The following TOP2B variants were observed in gnomAD, a reference collection of about 807,000 sequenced individuals.
TOP2B encodes the protein DNA topoisomerase 2-beta.
Under a neutral mutation model 193.5 loss-of-function variants are expected in TOP2B, and 51 were observed. The observed-to-expected ratio is 0.26, with a 90% CI of 0.21 to 0.33. The LOEUF is 0.33. Among genes scored for constraint, TOP2B ranks in the 10% least tolerant of loss-of-function variants. The probability of loss-of-function intolerance (pLI) is 1.00; values close to 1 mark genes in which losing one functional copy is unlikely to be tolerated. For missense variants in TOP2B, 1,378 were observed against 1,909.3 expected, an observed-to-expected ratio of 0.72 and a Z score of 5.19; for synonymous variants, 634 against 635.7, an observed-to-expected ratio of 1.00 and a Z score of 0.04.
chr3:25,622,709 C>T (rs985995389), intron 21 of TOP2B, among the ~76,000 whole-genome samples: 3 of 150,758 alleles, frequency 2.0e-5, no homozygotes, highest in Non-Finnish European at 2.9e-5. Context: ...GGCGCAATCT[C>T]GGCTCACCGC....
At chr3:25,641,071 C>A (rs927934696) in intron 4 of TOP2B, among the ~76,000 whole-genome samples, 2 of 152,054 alleles carry the variant, frequency 1.3e-5, no homozygotes, top group African/African-American at 4.8e-5. Flanking sequence ...CGTGAGCTGC[C>A]GCACCTGGCT....
At chr3:25,652,393 G>T (rs1215454827) in intron 1 of TOP2B, among the ~76,000 whole-genome samples, 1 of 152,110 alleles carries the variant, frequency 6.6e-6, no homozygotes, top group Non-Finnish European at 1.5e-5. Flanking sequence ...ATTGCACTTG[G>T]AACATTCTCC....
chr3:25,658,878 T>C (rs575179973), intron 1 of TOP2B, among the ~76,000 whole-genome samples: 52 of 152,212 alleles, frequency 3.4e-4, no homozygotes, highest in South Asian at 1.7e-3. Flanking sequence ...ATGGACAGAA[T>C]TGTCACCTGA....
intron 19 of TOP2B, 69 bp from the exon 20 acceptor site, chr3:25,624,514 A>T (rs1435886458): frequency 1.3e-6 from 2 of 1,556,978 alleles, no homozygotes; most frequent in East Asian, 4.5e-5. Flanking sequence ...CCCCAACTTG[A>T]ATTAAAATCC....
intron 1 of TOP2B, among the ~76,000 whole-genome samples, chr3:25,658,215 G>C (rs887789877): frequency 1.3e-5 from 2 of 151,598 alleles, no homozygotes; most frequent in South Asian, 4.1e-4. Context: ...GGCAACAACA[G>C]AGCGAGATTC....
chr3:25,610,856 A>T (rs1160426992), intron 28 of TOP2B, among the ~76,000 whole-genome samples: 1 of 152,246 alleles, frequency 6.6e-6, no homozygotes, highest in Non-Finnish European at 1.5e-5. Context: ...GAGAAAACAC[A>T]AAATTCTAAG....
intron 30 of TOP2B, 25 bp downstream of exon 30, chr3:25,609,158 A>C: frequency 6.4e-7 from 1 of 1,570,560 alleles, no homozygotes; most frequent in Non-Finnish European, 8.7e-7. Context: ...TATAATATAC[A>C]GTAATATTAA....
At position 25,607,446 on chromosome 3, in the gene TOP2B, T is replaced by C. The variant is rs1575562491; in HGVS notation, c.4094-71A>G. ...TGTATACATGAATTATTATTACTGA[T>C]AAAGCATTTGAAGTATATTCCAACC... On this transcript the variant is annotated intron_variant, in intron 30 of 35. Transcript: ENST00000264331. 2.7e-6 allele frequency: 4 copies of C among 1,465,666 alleles called. No individual in the cohort carries two copies. The East Asian group carries it at 7.4e-5, about 27-fold the overall frequency. 90.8% of individuals were successfully genotyped at this position (1,465,666 alleles called of 1,614,324 possible).
chr3:25,663,672 A>G (rs1703986761), intron 1 of TOP2B, among the ~76,000 whole-genome samples: 1 of 152,178 alleles, frequency 6.6e-6, no homozygotes, highest in African/African-American at 2.4e-5. Flanking sequence ...AACTGCTGTG[A>G]AAGTCATCCC....
intron 10 of TOP2B, among the ~76,000 whole-genome samples, chr3:25,631,983 T>C (rs936103289): frequency 6.6e-6 from 1 of 152,044 alleles, no homozygotes; most frequent in Non-Finnish European, 1.5e-5. Context: ...CACCTTATTT[T>C]AGAGAAGTTA....
At chr3:25,622,639 ATTT>A (rs576552400) in intron 21 of TOP2B, among the ~76,000 whole-genome samples, 7 of 133,752 alleles carry the variant, frequency 5.2e-5, no homozygotes, top group Admixed American at 3.0e-4. Flanking sequence ...AAAAATGGGG[ATTT>A]TTTTTTTTTT....
Position 25,606,100 on chromosome 3 carries a change from T to A in TOP2B, c.4321A>T (p.Ser1441Cys), listed in dbSNP as rs911869283. 3.3e-6 allele frequency: 5 copies of A among 1,500,540 alleles called. No individual in the cohort carries two copies. Among genetic ancestry groups the A allele is most frequent in the East Asian group, 5.0e-5 (2 of 40,074 alleles). The allele number at this position is 1,500,540 out of a possible 1,614,324, so 93.0% of individuals were successfully genotyped here. ...GAGAAGAGATTTCCAAAATCCTGAC[T>A]TTTTTTGTCATGCAAAGATTTTCTA... ...TPEKSLHDKK[S>C]QDFGNLFSFP... Residue 1441 changes from serine (S) to cysteine (C), a missense_variant, in exon 32 of 36, where the codon AGT becomes TGT. By Grantham distance (112) the Ser-to-Cys change is moderately radical. Transcript: ENST00000264331.
At chr3:25,635,027 C>T (rs887938212) in intron 7 of TOP2B, among the ~76,000 whole-genome samples, 3 of 152,092 alleles carry the variant, frequency 2.0e-5, no homozygotes, top group African/African-American at 7.2e-5. Flanking sequence ...CCAAAATCTA[C>T]CATCATGCTA....
At chr3:25,625,895 G>T (rs1559499288) in intron 18 of TOP2B, among the ~76,000 whole-genome samples, 1 of 152,126 alleles carries the variant, frequency 6.6e-6, no homozygotes, top group East Asian at 1.9e-4. Context: ...CATAATAATT[G>T]GTATAGAAGT....
intron 2 of TOP2B, among the ~76,000 whole-genome samples, chr3:25,644,483 C>G (rs1165567347): frequency 6.6e-6 from 1 of 151,966 alleles, no homozygotes; most frequent in Non-Finnish European, 1.5e-5. Context: ...GATGGATCAC[C>G]TGAGGTCAGG....
intron 27 of TOP2B, among the ~76,000 whole-genome samples, chr3:25,614,981 A>G (rs1269066390): frequency 6.6e-6 from 1 of 152,058 alleles, no homozygotes; most frequent in Non-Finnish European, 1.5e-5. Flanking sequence ...TAACTAATTG[A>G]AAGCAGATTT....
At chr3:25,606,285 TTCTC>T (rs920505147) in intron 31 of TOP2B, among the ~76,000 whole-genome samples, 163 bp from the exon 32 acceptor site, 3 of 152,220 alleles carry the variant, frequency 2.0e-5, no homozygotes, top group Middle Eastern at 3.4e-3. Context: ...ATAAAACTCT[TTCTC>T]TCTTATGTGT....
rs761348763 is a variant in TOP2B at position 25,648,003 on chromosome 3, G to T, written c.70-2533C>A. ...AAAGCTCATGTCCTCCCTCCTATCT[G>T]CCCCAGCAAGGCAAGATTGAGAAAA... On this transcript the variant is annotated intron_variant, in intron 1 of 35. Coordinates refer to ENST00000264331, the MANE Select transcript of TOP2B (RefSeq NM_001330700.2). 1.2e-3 allele frequency among the ~76,000 whole-genome samples: 186 copies of T among 152,254 alleles called. 1 individual carries two copies. The highest frequency in any genetic ancestry group is 2.3e-3 in the Non-Finnish European group (155 of 68,024).
intron 21 of TOP2B, 118 bp downstream of exon 21, chr3:25,623,397 C>G (rs1023489190): frequency 2.2e-6 from 2 of 910,174 alleles, no homozygotes; most frequent in Non-Finnish European, 3.4e-6. Context: ...CTAATTAGGT[C>G]TTTACGGTCT....
Sources: allele counts gnomAD v4.1 joint callset (sites outside exome capture counted in the v4.1 genomes callset), GRCh38; gene constraint gnomAD v4.1.1; transcripts MANE v1.5; gene names NCBI Gene and HGNC (gene_info 2026-07-23, HGNC 2026-07-21).